Variants in SNAP25 observed in about 807,000 individuals in gnomAD.
SNAP25 encodes the protein synaptosome associated protein 25, also known as synaptosomal-associated protein 25.
SNAP25 carries 3 observed loss-of-function variants against 28.7 expected under a neutral mutation model. That is an observed-to-expected ratio of 0.10 (90% CI 0.05 to 0.27). SNAP25 has a LOEUF of 0.27. Ranked by LOEUF, SNAP25 falls within the 10% of genes least tolerant of loss-of-function variation. The probability of loss-of-function intolerance (pLI) is 1.00; values close to 1 mark genes in which losing one functional copy is unlikely to be tolerated. For synonymous variants in SNAP25, 61 were observed against 88.1 expected, an observed-to-expected ratio of 0.69 and a Z score of 1.72; for missense variants, 117 against 278.7, an observed-to-expected ratio of 0.42 and a Z score of 4.13.
chr20:10,244,676 G>A (rs530745900), intron 1 of SNAP25, among the ~76,000 whole-genome samples: 58 of 152,068 alleles, frequency 3.8e-4, no homozygotes, highest in Non-Finnish European at 6.9e-4. Context: ...TCAGGAGCAG[G>A]AACCCAGTGA....
intron 4 of SNAP25, among the ~76,000 whole-genome samples, chr20:10,291,232 C>G (rs1406768389): frequency 6.6e-6 from 1 of 152,088 alleles, no homozygotes; most frequent in African/African-American, 2.4e-5. Flanking sequence ...TGCCACCACG[C>G]CCAGAAATTT....
chr20:10,270,080 C>G (rs1033392648), intron 1 of SNAP25, among the ~76,000 whole-genome samples: 1 of 151,820 alleles, frequency 6.6e-6, no homozygotes, highest in African/African-American at 2.4e-5. Context: ...ATGGAGAAAC[C>G]CCGTCTCTAC....
chr20:10,223,123 A>G (rs1235920985), intron 1 of SNAP25, among the ~76,000 whole-genome samples: 1 of 152,218 alleles, frequency 6.6e-6, no homozygotes, highest in African/African-American at 2.4e-5. Context: ...CCAAGTGGCT[A>G]AAAATGGGAG....
chr20:10,224,291 T>TTTTTTC, intron 1 of SNAP25, among the ~76,000 whole-genome samples: 1 of 139,602 alleles, frequency 7.2e-6, no homozygotes, highest in Non-Finnish European at 1.6e-5. Flanking sequence ...TTTTTTTTTT[T>TTTTTTC]TGCAGTCTTT....
At chr20:10,262,494 A>G (rs572771252) in intron 1 of SNAP25, among the ~76,000 whole-genome samples, 1 of 152,320 alleles carries the variant, frequency 6.6e-6, no homozygotes, top group Non-Finnish European at 1.5e-5. Flanking sequence ...AGCTGAGAAC[A>G]CAGAGAATTT....
intron 1 of SNAP25, chr20:10,231,404 C>T (rs1055569503): frequency 6.6e-6 from 1 of 152,148 alleles, no homozygotes; most frequent in South Asian, 2.1e-4. Flanking sequence ...AATTTCACAC[C>T]AAGGTCACAG....
intron 6 of SNAP25, 124 bp from the exon 7 acceptor site, chr20:10,299,144 A>C (rs2064178071): frequency 9.1e-7 from 1 of 1,101,068 alleles, no homozygotes; most frequent in South Asian, 1.6e-5. Flanking sequence ...TTTGTACTGG[A>C]TGGAGATTAA....
chr20:10,268,776 G>T (rs757936785), intron 1 of SNAP25, among the ~76,000 whole-genome samples: 1 of 152,092 alleles, frequency 6.6e-6, no homozygotes, highest in African/African-American at 2.4e-5. Flanking sequence ...AAAGAATAAA[G>T]AGCTTTTCAA....
At chr20:10,235,107 C>T (rs576157249) in intron 1 of SNAP25, among the ~76,000 whole-genome samples, 1 of 151,942 alleles carries the variant, frequency 6.6e-6, no homozygotes, top group African/African-American at 2.4e-5. Flanking sequence ...GTGGCATGCA[C>T]CAGCAGTCCC....
In SNAP25 at chr20:10,306,243, C is replaced by T. The variant is rs1319613249; in HGVS notation, c.*46C>T. ...CTCCAAATGCTGTCGGGCAAGATAG[C>T]TCCTTCATGCTTTTCTCATGGTATT... On this transcript the variant is annotated 3_prime_UTR_variant, in exon 8 of 8. Transcript: ENST00000254976. 2 of 1,556,370 alleles carry T rather than the reference C, an allele frequency of 1.3e-6. No homozygotes were observed. Among genetic ancestry groups the T allele is most frequent in the Admixed American group, 1.7e-5 (1 of 59,570 alleles).
intron 1 of SNAP25, among the ~76,000 whole-genome samples, chr20:10,272,886 C>T (rs780771983): frequency 3.3e-5 from 5 of 152,146 alleles, no homozygotes; most frequent in South Asian, 4.1e-4. Context: ...GGGTAGAGAA[C>T]GGTGAAACCT....
intron 1 of SNAP25, among the ~76,000 whole-genome samples, chr20:10,225,157 G>A (rs1027745334): frequency 1.3e-5 from 2 of 151,812 alleles, no homozygotes. Context: ...TGAGGTCAGA[G>A]GTCAGCAGTT....
chr20:10,249,765 C>T (rs1381421714), intron 1 of SNAP25, among the ~76,000 whole-genome samples: 1 of 152,150 alleles, frequency 6.6e-6, no homozygotes, highest in Non-Finnish European at 1.5e-5. Flanking sequence ...TTAATAAGTT[C>T]TCCAGGTGAT....
chr20:10,245,170 A>G (rs572192277), intron 1 of SNAP25, among the ~76,000 whole-genome samples: 1 of 152,198 alleles, frequency 6.6e-6, no homozygotes, highest in Non-Finnish European at 1.5e-5. Context: ...GCCAGCTGGT[A>G]TTAAGCATTC....
rs2064368593 is a variant in SNAP25 at position 10,306,745 on chromosome 20, A to G, written c.*548A>G. 1 of 153,750 alleles carries G rather than the reference A, an allele frequency of 6.5e-6. No homozygotes were observed. The highest frequency in any genetic ancestry group is 1.5e-5 in the Non-Finnish European group (1 of 68,260). The allele number at this position is 153,750 out of a possible 1,614,324, so 9.5% of individuals were successfully genotyped here. A position where few individuals can be genotyped will look rare whatever the true frequency, so the allele number is the denominator to read the frequency against. On this transcript the variant is annotated 3_prime_UTR_variant, in exon 8 of 8. Coordinates refer to ENST00000254976, the MANE Select transcript of SNAP25 (RefSeq NM_130811.4). ...GCATTTATGCATGAGAACTAAATAG[A>G]TTTTTAGATTCCTACTTAAACAAAA...
At chr20:10,260,742 T>C (rs142739992) in intron 1 of SNAP25, among the ~76,000 whole-genome samples, 2,158 of 147,746 alleles carry the variant, frequency 0.015, 19 homozygotes, top group Middle Eastern at 0.035. Context: ...CACACACACA[T>C]CTGCCTTATA....
chr20:10,241,141 A>G (rs2063023643), intron 1 of SNAP25, among the ~76,000 whole-genome samples: 1 of 151,948 alleles, frequency 6.6e-6, no homozygotes, highest in South Asian at 2.1e-4. Context: ...TCTTGCGCCG[A>G]AGAGAACTGC....
At chr20:10,261,681 A>G (rs1015532451) in intron 1 of SNAP25, among the ~76,000 whole-genome samples, 22 of 152,194 alleles carry the variant, frequency 1.4e-4, no homozygotes, top group Admixed American at 2.6e-4. Flanking sequence ...GAATGAGGCT[A>G]GGTTTGAAAG....
At chr20:10,249,644 G>A (rs1302666105) in intron 1 of SNAP25, among the ~76,000 whole-genome samples, 1 of 151,984 alleles carries the variant, frequency 6.6e-6, no homozygotes, top group Non-Finnish European at 1.5e-5. Context: ...TGCTCAGTGT[G>A]GGCCACAGAC....
Sources: allele counts gnomAD v4.1 joint callset (sites outside exome capture counted in the v4.1 genomes callset), GRCh38; gene constraint gnomAD v4.1.1; transcripts MANE v1.5; gene names NCBI Gene and HGNC (gene_info 2026-07-23, HGNC 2026-07-21).